CELSR1: variants seen among roughly 807,000 people sequenced by gnomAD.
CELSR1 encodes the protein adhesion G protein-coupled receptor C1.
CELSR1 carries 110 observed loss-of-function variants against 249.1 expected under a neutral mutation model. The observed-to-expected ratio is 0.44, with a 90% confidence interval of 0.38 to 0.52. The LOEUF (loss-of-function observed/expected upper bound fraction) is 0.52, where lower values mean the gene tolerates loss of function less well. Among genes scored for constraint, CELSR1 ranks in the 20% least tolerant of loss-of-function variants. CELSR1 has a pLI of 0.00. For synonymous variants in CELSR1, 2,113 were observed against 1,900.0 expected, an observed-to-expected ratio of 1.11 and a Z score of -2.92; for missense variants, 4,109 against 4,296.4, an observed-to-expected ratio of 0.96 and a Z score of 1.22.
In CELSR1 at chr22:46,457,349, C is replaced by G. The variant is rs140710357; in HGVS notation, c.4183+6358G>C. ...AACAGAGCAAGACTCATCTCGGGGGCGGGGAAAAAGATTATTCTCGCAGCC... is the reference window on the plus strand; with the variant it reads ...AACAGAGCAAGACTCATCTCGGGGGGGGGGAAAAAGATTATTCTCGCAGCC... On this transcript the variant is annotated intron_variant, in intron 2 of 34. Coordinates refer to ENST00000674500, the MANE Select transcript of CELSR1 (RefSeq NM_001378328.1). Among the ~76,000 whole-genome samples the G allele has an allele frequency of 8.0e-3, 1,189 of 149,396 alleles. 10 individuals carry two copies. Among genetic ancestry groups the G allele is most frequent in the African/African-American group, 0.027 (1,106 of 40,558 alleles).
rs1472664724 is a variant in CELSR1 at position 46,421,480 on chromosome 22, TCAC to T, written c.4612-9724_4612-9722del. Among the ~76,000 whole-genome samples the T allele has an allele frequency of 1.2e-4, 18 of 152,042 alleles. 1 individual carries two copies. The highest frequency in any genetic ancestry group is 8.8e-5 in the Non-Finnish European group (6 of 67,990). ...GTGGGGCGGCGCTTGCCTCCGAGAATCACCACGTTTCCATAGCAGGTGACTTTC... is the reference window on the plus strand; with the variant it reads ...GTGGGGCGGCGCTTGCCTCCGAGAATCACGTTTCCATAGCAGGTGACTTTC... On this transcript the variant is annotated intron_variant, in intron 5 of 34. Coordinates refer to ENST00000674500, the MANE Select transcript of CELSR1 (RefSeq NM_001378328.1).
In CELSR1 at chr22:46,535,068, G is replaced by A. The variant is rs927125460; in HGVS notation, c.2103C>T (p.Ala701=). ...TYELRLNEDA[A]VGSSVLTLQA... is the part of the protein sequence containing the mutation. ...GCAGGGTCAGCACGCTGCTCCCCAC[G>A]GCCGCATCCTCATTCAGACGAAGCT... is the stretch of plus-strand genomic sequence containing the variant. The change falls in exon 1 of 35, where the codon GCC becomes GCT. Residue 701 remains alanine, a synonymous_variant. Coordinates refer to ENST00000674500, the MANE Select transcript of CELSR1 (RefSeq NM_001378328.1). 21 of 1,612,352 alleles carry A rather than the reference G, an allele frequency of 1.3e-5. No individual in the cohort carries two copies. The highest frequency in any genetic ancestry group is 1.7e-5 in the Admixed American group (1 of 59,974).
chr22:46,377,689 TGACCC>T, intron 23 of CELSR1: 1 of 205,010 alleles, frequency 4.9e-6, no homozygotes, highest in South Asian at 9.2e-5. Context: ...CACTAATCAC[TGACCC>T]CGTCTCCAGG....
At position 46,411,487 on chromosome 22, in the gene CELSR1, G is replaced by T; in HGVS notation, c.4769+115C>A. The stretch of plus-strand genomic sequence containing the variant: ...GATGTCTGACTCTAGCCTGGAATGA[G>T]GTCGCCAGGGCACTGCACCCAGAGT... On this transcript the variant is annotated intron_variant, in intron 6 of 34. Transcript: ENST00000674500. The surrounding 1 kb of genome is among the most constrained non-coding windows in gnomAD (Gnocchi z 4.2). 1 of 1,201,682 alleles carries T rather than the reference G, an allele frequency of 8.3e-7. No individual in the cohort carries two copies. Among genetic ancestry groups the T allele is most frequent in the Non-Finnish European group, 1.2e-6 (1 of 867,076 alleles). The allele number at this position is 1,201,682 out of a possible 1,614,324, so 74.4% of individuals were successfully genotyped here. A position where few individuals can be genotyped will look rare whatever the true frequency, so the allele number is the denominator to read the frequency against.
chr22:46,393,379 A>G lies in CELSR1; in HGVS notation c.5964+763T>C, dbSNP rs1206800635. ...TGACCGCCCTGGACAGGCGTGGGGC[A>G]TAACGCACTTAGTGACACTTTCTAT... On this transcript the variant is annotated intron_variant, in intron 14 of 34. Transcript: ENST00000674500. The surrounding 1 kb of genome is among the most constrained non-coding windows in gnomAD (Gnocchi z 4.1). Among the ~76,000 whole-genome samples, 1 of 152,234 alleles carries G rather than the reference A, an allele frequency of 6.6e-6. No homozygotes were observed. The highest frequency in any genetic ancestry group is 1.5e-5 in the Non-Finnish European group (1 of 68,040).
Position 46,365,639 on chromosome 22 carries a change from C to T in CELSR1, c.8351G>A (p.Ser2784Asn). 1 of 1,591,206 alleles carries T rather than the reference C, an allele frequency of 6.3e-7. No individual in the cohort carries two copies. Among genetic ancestry groups the T allele is most frequent in the East Asian group, 2.3e-5 (1 of 44,026 alleles). The change falls in exon 31 of 35, where the codon AGC becomes AAC. Residue 2784 changes from serine (S) to asparagine (N), a missense_variant. This residue lies in a region of CELSR1 where 1,805 missense variants were observed against 1,831.6 expected (regional missense o/e 0.99). Transcript: ENST00000674500. ...LGVSSGLVRG[S>N]HGEPDASLMP... ...GAGGGACGCGTCTGGCTCTCCGTGG[C>T]TGCCCCTCACCAGCCCAGAGGACAC...
At chr22:46,420,181 TACTC>T (rs1333688686) in intron 5 of CELSR1, among the ~76,000 whole-genome samples, 7 of 146,810 alleles carry the variant, frequency 4.8e-5, no homozygotes, top group South Asian at 2.2e-4. Context: ...CACTCATTCA[TACTC>T]ACATGTGCAC....
intron 25 of CELSR1, among the ~76,000 whole-genome samples, chr22:46,372,634 G>A (rs950241769): frequency 1.5e-4 from 22 of 151,706 alleles, no homozygotes; most frequent in African/African-American, 5.3e-4. Context: ...GTTAAGTGCT[G>A]CAGAAATAAC....
intron 23 of CELSR1, 51 bp from the exon 24 acceptor site, chr22:46,377,312 G>A: frequency 1.9e-6 from 3 of 1,565,262 alleles, no homozygotes; most frequent in Non-Finnish European, 2.6e-6. Context: ...CCGAGGCTCA[G>A]ATCTGGTCAT....
chr22:46,419,754 A>C (rs1334590333), intron 5 of CELSR1, among the ~76,000 whole-genome samples: 1 of 148,318 alleles, frequency 6.7e-6, no homozygotes, highest in East Asian at 2.0e-4. Flanking sequence ...GCATACTCAA[A>C]CCCACACGTG....
Position 46,488,296 on chromosome 22 carries a change from C to A in CELSR1, c.3545-23951G>T, listed in dbSNP as rs2080335108. On this transcript the variant is annotated intron_variant, in intron 1 of 34. Transcript: ENST00000674500. The surrounding 1 kb of genome is among the most constrained non-coding windows in gnomAD (Gnocchi z 4.7). ...CAGAGCCAGTGCTACATGGGAAGCC[C>A]TGCCCTCCTGGGGACAGGGGGATGG... Among the ~76,000 whole-genome samples the A allele has an allele frequency of 6.6e-6, 1 of 152,042 alleles. No homozygotes were observed. The highest frequency in any genetic ancestry group is 6.5e-5 in the Admixed American group (1 of 15,274).
At chr22:46,414,089 A>G (rs1219370589) in intron 5 of CELSR1, among the ~76,000 whole-genome samples, 1 of 152,220 alleles carries the variant, frequency 6.6e-6, no homozygotes, top group Non-Finnish European at 1.5e-5. Flanking sequence ...GGCAAAAGAC[A>G]AAGCCAATGC....
rs147830926 is a variant in CELSR1 at position 46,456,961 on chromosome 22, C to G, written c.4183+6746G>C. Among the ~76,000 whole-genome samples the G allele has an allele frequency of 4.2e-3, 642 of 152,174 alleles. 16 individuals are homozygous for G. The highest frequency in any genetic ancestry group is 0.037 in the Admixed American group (569 of 15,278). On this transcript the variant is annotated intron_variant, in intron 2 of 34. Coordinates refer to ENST00000674500, the MANE Select transcript of CELSR1 (RefSeq NM_001378328.1). ...CAGCCTAGGGAGTTGGTACAAAGCT[C>G]AAAGCCAGCAGCACTGAAGCGCTCC... is the stretch of plus-strand genomic sequence containing the variant.
intron 5 of CELSR1, among the ~76,000 whole-genome samples, chr22:46,421,235 G>C (rs1258341237): frequency 6.8e-6 from 1 of 147,962 alleles, no homozygotes; most frequent in Non-Finnish European, 1.5e-5. Context: ...AAGGCCAGGA[G>C]CCCAGAGAGG....
In CELSR1 at chr22:46,408,981, C is replaced by A; in HGVS notation, c.5226+15G>T. On this transcript the variant is annotated intron_variant, in intron 9 of 34. Coordinates refer to ENST00000674500, the MANE Select transcript of CELSR1 (RefSeq NM_001378328.1). This position sits in a 1 kb window ranked among gnomAD's most constrained non-coding sequence, Gnocchi z 4.6. ...CCACCTAGCAGGTGCCTTGGTGGCA[C>A]GGGGCCCCAGTCACCTGGAGGCGAA... is the stretch of plus-strand genomic sequence containing the variant. 2 of 1,591,044 alleles carry A rather than the reference C, an allele frequency of 1.3e-6. No homozygotes were observed. The highest frequency in any genetic ancestry group is 1.7e-6 in the Non-Finnish European group (2 of 1,170,016).
rs766528183 is a variant in CELSR1 at position 46,469,510 on chromosome 22, GTTGT to G, written c.3545-5169_3545-5166del. On this transcript the variant is annotated intron_variant, in intron 1 of 34. Coordinates refer to ENST00000674500, the MANE Select transcript of CELSR1 (RefSeq NM_001378328.1). ...CAGGGCTCTCTGTGTTTGTTTTGTT[GTTGT>G]TTGTTTGTTTGTTTGTTTTGAGATG... is the stretch of plus-strand genomic sequence containing the variant. Among the ~76,000 whole-genome samples, 38 of 151,144 alleles carry G rather than the reference GTTGT, an allele frequency of 2.5e-4. 1 individual carries two copies. Among genetic ancestry groups the G allele is most frequent in the Admixed American group, 2.0e-4 (3 of 15,230 alleles).
chr22:46,373,894 C>A (rs2078888785), intron 24 of CELSR1, among the ~76,000 whole-genome samples: 4 of 152,146 alleles, frequency 2.6e-5, no homozygotes, highest in Admixed American at 1.3e-4. Flanking sequence ...AGGAGGAGAA[C>A]GAGGGCCCCC....
At chr22:46,397,167 G>C (rs974105955) in intron 12 of CELSR1, among the ~76,000 whole-genome samples, 2 of 151,762 alleles carry the variant, frequency 1.3e-5, no homozygotes, top group African/African-American at 4.8e-5. Context: ...GCAGTGGCAT[G>C]ATCTCAGCTC....
chr22:46,380,880 T>G lies in CELSR1; in HGVS notation c.7164A>C (p.Arg2388Ser). 2 of 1,613,048 alleles carry G rather than the reference T, an allele frequency of 1.2e-6. No individual in the cohort carries two copies. The highest frequency in any genetic ancestry group is 1.7e-6 in the Non-Finnish European group (2 of 1,179,892). Reference protein sequence around the residue: ...LVYSEGAPLPRPLERPVLVEF... With the variant: ...LVYSEGAPLPSPLERPVLVEF... ...CCACCAGGACGGGCCTCTCCAGGGG[T>G]CTCGGGAGCGGAGCCCCCTCGCTGT... The change falls in exon 22 of 35, where the codon AGA (arginine) becomes AGC (serine). Residue 2388 changes from arginine to serine, a missense_variant. Transcript: ENST00000674500. The surrounding 1 kb of genome is among the most constrained non-coding windows in gnomAD (Gnocchi z 5.1).
Sources: allele counts gnomAD v4.1 joint callset (sites outside exome capture counted in the v4.1 genomes callset), GRCh38; gene constraint gnomAD v4.1.1; regional missense constraint gnomAD v4.1.1; non-coding constraint Gnocchi (gnomAD v3.1); transcripts MANE v1.5; gene names NCBI Gene and HGNC (gene_info 2026-07-23, HGNC 2026-07-21).